The following ELAPOR2 variants were observed in gnomAD, a reference collection of about 807,000 sequenced individuals.
ELAPOR2 encodes the protein endosome/lysosome-associated apoptosis and autophagy regulator family member 2.
Under a neutral mutation model 120.7 loss-of-function variants are expected in ELAPOR2, and 89 were observed. That is an observed-to-expected ratio of 0.74 (90% CI 0.62 to 0.88). ELAPOR2 has a LOEUF of 0.88. ELAPOR2 is among the 40% of genes least tolerant of loss of function. The pLI is 0.00. For missense variants in ELAPOR2, 1,134 were observed against 1,251.6 expected, an observed-to-expected ratio of 0.91 and a Z score of 1.42; for synonymous variants, 444 against 444.9, an observed-to-expected ratio of 1.00 and a Z score of 0.03.
chr7:86,944,356 A>G (rs1790917241), intron 4 of ELAPOR2, among the ~76,000 whole-genome samples: 1 of 152,150 alleles, frequency 6.6e-6, no homozygotes. Context: ...GACATCAAGT[A>G]TCCCATTCAT....
intron 19 of ELAPOR2, among the ~76,000 whole-genome samples, chr7:86,894,633 A>G (rs1788351918): frequency 6.6e-6 from 1 of 152,058 alleles, no homozygotes; most frequent in Admixed American, 6.6e-5. Context: ...AAATCAAGCT[A>G]TTGGCAACTT....
chr7:86,944,330 T>C (rs879665773), intron 4 of ELAPOR2, among the ~76,000 whole-genome samples: 2 of 152,126 alleles, frequency 1.3e-5, no homozygotes, highest in Non-Finnish European at 1.5e-5. Flanking sequence ...GTAATGTTAT[T>C]TAATTTCTTT....
intron 1 of ELAPOR2, among the ~76,000 whole-genome samples, chr7:86,999,699 T>C (rs532819547): frequency 1.3e-5 from 2 of 152,258 alleles, no homozygotes; most frequent in African/African-American, 4.8e-5. Flanking sequence ...GGTAGAAACA[T>C]TCAGTGCAGT....
intron 1 of ELAPOR2, among the ~76,000 whole-genome samples, chr7:87,031,989 G>C (rs1464001861): frequency 6.6e-6 from 1 of 152,120 alleles, no homozygotes; most frequent in Non-Finnish European, 1.5e-5. Flanking sequence ...AAATGCAACT[G>C]AATCTGTAGT....
chr7:87,038,634 A>G (rs1040660193), intron 1 of ELAPOR2, among the ~76,000 whole-genome samples: 2 of 152,156 alleles, frequency 1.3e-5, no homozygotes, highest in African/African-American at 4.8e-5. Context: ...TAATAAGAGC[A>G]ATTTTGGAAA....
At chr7:86,946,627 T>C (rs1472687384) in intron 3 of ELAPOR2, among the ~76,000 whole-genome samples, 1 of 152,254 alleles carries the variant, frequency 6.6e-6, no homozygotes, top group East Asian at 1.9e-4. Context: ...CCTCAGGTGA[T>C]CCGCCTGCCT....
chr7:86,964,425 A>AT (rs1791831459), intron 2 of ELAPOR2, among the ~76,000 whole-genome samples: 1 of 152,168 alleles, frequency 6.6e-6, no homozygotes, highest in Admixed American at 6.5e-5. Context: ...ACTAAAAAAA[A>AT]TTAAGTTATT....
chr7:86,990,761 G>A (rs1635034), intron 1 of ELAPOR2, among the ~76,000 whole-genome samples: 57,561 of 151,982 alleles, frequency 0.38, 11,748 homozygotes, highest in African/African-American at 0.53. Flanking sequence ...TGGGCCAAGA[G>A]CCTTATTTCA....
intron 1 of ELAPOR2, among the ~76,000 whole-genome samples, chr7:87,051,123 C>G (rs1360358144): frequency 6.6e-6 from 1 of 152,096 alleles, no homozygotes; most frequent in Admixed American, 6.5e-5. Context: ...TATTTAAAGC[C>G]AAGAGACTCC....
intron 1 of ELAPOR2, among the ~76,000 whole-genome samples, chr7:87,038,894 G>A (rs1258980654): frequency 6.6e-6 from 1 of 151,458 alleles, no homozygotes; most frequent in East Asian, 1.9e-4. Flanking sequence ...AAAAGCAAGA[G>A]CAAACCAAAC....
chr7:86,894,140 C>T (rs1234017675), intron 19 of ELAPOR2, among the ~76,000 whole-genome samples: 4 of 152,068 alleles, frequency 2.6e-5, no homozygotes, highest in Non-Finnish European at 5.9e-5. Flanking sequence ...CTCTTACTCA[C>T]TTTGGGGAAA....
At chr7:87,041,590 C>A (rs548319068) in intron 1 of ELAPOR2, among the ~76,000 whole-genome samples, 25 of 151,940 alleles carry the variant, frequency 1.6e-4, no homozygotes, top group African/African-American at 6.1e-4. Flanking sequence ...CAGGCCTGCC[C>A]TAAAAGAGCT....
At position 86,914,283 on chromosome 7, in the gene ELAPOR2, A is replaced by T. The variant is rs112906876; in HGVS notation, c.1731+440T>A. On this transcript the variant is annotated intron_variant, in intron 13 of 21. Coordinates refer to ENST00000450689, the MANE Select transcript of ELAPOR2 (RefSeq NM_001142749.3). ...TGTTAACTCAATGGTGGGTACATAC[A>T]CATTCTCCAGGCTGTAAAAGGAAAT... 1.8e-3 allele frequency among the ~76,000 whole-genome samples: 272 copies of T among 152,306 alleles called. 3 individuals are homozygous for T. The highest frequency in any genetic ancestry group is 6.3e-3 in the African/African-American group (262 of 41,570).
At chr7:86,977,407 A>C (rs1053403174) in intron 1 of ELAPOR2, among the ~76,000 whole-genome samples, 4 of 152,184 alleles carry the variant, frequency 2.6e-5, no homozygotes, top group Non-Finnish European at 4.4e-5. Flanking sequence ...CTGATGCCTC[A>C]TTATTCCTCC....
At chr7:87,050,084 C>T (rs1299905130) in intron 1 of ELAPOR2, among the ~76,000 whole-genome samples, 5 of 152,160 alleles carry the variant, frequency 3.3e-5, no homozygotes, top group African/African-American at 1.2e-4. Context: ...CCTCCTAAAC[C>T]TGGAGGCAAA....
intron 21 of ELAPOR2, among the ~76,000 whole-genome samples, chr7:86,885,329 A>C (rs1799636297): frequency 6.6e-6 from 1 of 152,198 alleles, no homozygotes; most frequent in Non-Finnish European, 1.5e-5. Flanking sequence ...CAAATAAATG[A>C]TGTCAGTAAA....
intron 1 of ELAPOR2, among the ~76,000 whole-genome samples, chr7:87,041,554 C>A (rs912165251): frequency 1.3e-5 from 2 of 151,998 alleles, no homozygotes; most frequent in Non-Finnish European, 2.9e-5. Flanking sequence ...TACAGACAAG[C>A]AAATGCTGAG....
At chr7:86,980,673 T>C (rs1236338969) in intron 1 of ELAPOR2, among the ~76,000 whole-genome samples, 1 of 152,056 alleles carries the variant, frequency 6.6e-6, no homozygotes, top group Non-Finnish European at 1.5e-5. Flanking sequence ...CTCCTTCCTG[T>C]GGGTCTCAAG....
intron 17 of ELAPOR2, 129 bp downstream of exon 17, chr7:86,908,318 C>G (rs1789129767): frequency 1.8e-6 from 1 of 568,054 alleles, no homozygotes; most frequent in Admixed American, 3.8e-5. Context: ...TTGATCTTCT[C>G]TGCCATAAGA....
Sources: allele counts gnomAD v4.1 joint callset (sites outside exome capture counted in the v4.1 genomes callset), GRCh38; gene constraint gnomAD v4.1.1; transcripts MANE v1.5; gene names NCBI Gene and HGNC (gene_info 2026-07-23, HGNC 2026-07-21).